TNFRSF10A: variants seen among roughly 807,000 people sequenced by gnomAD.
TNFRSF10A encodes tumor necrosis factor receptor superfamily member 10A.
Under a neutral mutation model 42.8 loss-of-function variants are expected in TNFRSF10A, and 44 were observed. That is an observed-to-expected ratio of 1.03 (90% CI 0.81 to 1.32). The LOEUF is 1.32. TNFRSF10A is among the 40% of genes most tolerant of loss of function. The pLI, the probability that TNFRSF10A is intolerant of heterozygous loss-of-function variation, is 0.00. For synonymous variants in TNFRSF10A, 259 were observed against 234.2 expected, an observed-to-expected ratio of 1.11 and a Z score of -0.97; for missense variants, 680 against 602.0, an observed-to-expected ratio of 1.13 and a Z score of -1.36.
At chr8:23,216,055 T>G (rs11987637) in intron 1 of TNFRSF10A, among the ~76,000 whole-genome samples, 52,937 of 151,930 alleles carry the variant, frequency 0.35, 10,327 homozygotes, top group Middle Eastern at 0.47. Context: ...AGACCTCAGG[T>G]GAATCGCCTG....
At chr8:23,224,215 G>A (rs1394691811) in intron 1 of TNFRSF10A, among the ~76,000 whole-genome samples, 1 of 147,772 alleles carries the variant, frequency 6.8e-6, no homozygotes, top group Admixed American at 6.8e-5. Context: ...CAGGAGAATC[G>A]CTTGAACCAG....
In TNFRSF10A at chr8:23,191,716, C is replaced by T. The variant is rs200464740; in HGVS notation, c.1385G>A (p.Gly462Asp). ...GKFIYLEDGTGSAVSLE is the reference protein window; with the variant it reads ...GKFIYLEDGTDSAVSLE ...CTTTCACTCCAAGGACACGGCAGAG[C>T]CTGTGCCATCTTCTAAGTAGATGAA... Residue 462 changes from glycine (G) to aspartate (D), a missense_variant, in exon 10 of 10, where the codon GGC becomes GAC. Gly to Asp is a moderately conservative substitution (Grantham distance 94). Coordinates refer to ENST00000221132, the MANE Select transcript of TNFRSF10A (RefSeq NM_003844.4). 2 of 1,614,024 alleles carry T rather than the reference C, an allele frequency of 1.2e-6. No individual in the cohort carries two copies. Among genetic ancestry groups the T allele is most frequent in the East Asian group, 4.5e-5 (2 of 44,886 alleles).
intron 1 of TNFRSF10A, among the ~76,000 whole-genome samples, chr8:23,223,005 C>G (rs889077168): frequency 6.6e-6 from 1 of 152,216 alleles, no homozygotes; most frequent in African/African-American, 2.4e-5. Context: ...TCTTGTACAG[C>G]CTGCAGAACC....
intron 1 of TNFRSF10A, among the ~76,000 whole-genome samples, chr8:23,212,667 G>A (rs12542712): frequency 0.23 from 34,762 of 152,190 alleles, 4,893 homozygotes; most frequent in Non-Finnish European, 0.31. Flanking sequence ...CTATGAACAC[G>A]GGTGTACAAA....
intron 1 of TNFRSF10A, 193 bp downstream of exon 1, chr8:23,224,544 GAGGGGGCTCTGCTGCCTCC>G (rs1801306031): frequency 3.3e-6 from 2 of 600,294 alleles, no homozygotes; most frequent in Non-Finnish European, 5.7e-6. Flanking sequence ...CCTCCTGCGG[GAGGGGGCTCTGCTGCCTCC>G]AGGCCCGGGT....
At position 23,200,759 on chromosome 8, in the gene TNFRSF10A, A is replaced by G. The variant is rs747020496; in HGVS notation, c.631T>C (p.Cys211Arg). ...AEMCRKCSRG[C>R]PRGMVKVKDC... ...TTGACCTTGACCATCCCTCTGGGGCACCTGGGTACACACAGGGAGGGAGGG... is the reference window on the plus strand; with the variant it reads ...TTGACCTTGACCATCCCTCTGGGGCGCCTGGGTACACACAGGGAGGGAGGG... The change falls in exon 5 of 10, where the codon TGC becomes CGC. Residue 211 changes from cysteine to arginine, a missense_variant and splice_region_variant. By Grantham distance (180) the Cys-to-Arg change is radical. Coordinates refer to ENST00000221132, the MANE Select transcript of TNFRSF10A (RefSeq NM_003844.4). 4 of 931,080 alleles carry G rather than the reference A, an allele frequency of 4.3e-6. No individual in the cohort carries two copies. The highest frequency in any genetic ancestry group is 6.5e-6 in the Non-Finnish European group (4 of 611,900). 57.7% of individuals were successfully genotyped at this position (931,080 alleles called of 1,614,324 possible). A position where few individuals can be genotyped will look rare whatever the true frequency, so the allele number is the denominator to read the frequency against.
At chr8:23,207,919 T>G (rs955718177) in intron 2 of TNFRSF10A, among the ~76,000 whole-genome samples, 12 of 139,176 alleles carry the variant, frequency 8.6e-5, no homozygotes, top group Non-Finnish European at 1.4e-4. Context: ...AAAAAAAAAC[T>G]AATACAGTAA....
intron 2 of TNFRSF10A, among the ~76,000 whole-genome samples, chr8:23,209,131 G>A (rs1032296685): frequency 2.0e-5 from 3 of 152,234 alleles, no homozygotes; most frequent in Non-Finnish European, 2.9e-5. Flanking sequence ...GAAGCCCCAA[G>A]CCTTGGCAGC....
In TNFRSF10A at chr8:23,202,758, G is replaced by C; in HGVS notation, c.407C>G (p.Ser136Cys). ...GGCTCCAGGATGTTCTGATCTATGA[G>C]ATCCTGGGAAGGGAGAGAAAAGCCA... ...SPLGELCPPG[S>C]HRSEHPGACN... is the part of the protein sequence containing the mutation. Residue 136 changes from serine (S) to cysteine (C), a missense_variant, in exon 3 of 10, where the codon TCT (serine) becomes TGT (cysteine). Ser to Cys is a moderately radical substitution (Grantham distance 112). Coordinates refer to ENST00000221132, the MANE Select transcript of TNFRSF10A (RefSeq NM_003844.4). 6.2e-7 allele frequency: 1 copy of C among 1,606,936 alleles called. No homozygotes were observed. Among genetic ancestry groups the C allele is most frequent in the Non-Finnish European group, 8.5e-7 (1 of 1,173,546 alleles).
intron 1 of TNFRSF10A, among the ~76,000 whole-genome samples, chr8:23,215,188 G>T (rs1223743825): frequency 6.6e-6 from 1 of 150,728 alleles, no homozygotes; most frequent in African/African-American, 2.5e-5. Context: ...CTGTAATTGG[G>T]AGATTTTTTA....
At chr8:23,202,108 TG>T (rs750727129) in intron 3 of TNFRSF10A, among the ~76,000 whole-genome samples, 189 bp from the exon 4 acceptor site, 6 of 151,238 alleles carry the variant, frequency 4.0e-5, no homozygotes, top group Non-Finnish European at 5.9e-5. Context: ...CACCAACACT[TG>T]GAGTCATACA....
intron 2 of TNFRSF10A, among the ~76,000 whole-genome samples, chr8:23,206,232 T>C (rs76866576): frequency 0.017 from 2,539 of 152,154 alleles, 63 homozygotes; most frequent in African/African-American, 0.057. Context: ...ACGAAGTTAA[T>C]ATTGAAGGAA....
intron 1 of TNFRSF10A, among the ~76,000 whole-genome samples, chr8:23,216,504 G>A (rs1372972691): frequency 6.6e-6 from 1 of 152,122 alleles, no homozygotes; most frequent in Non-Finnish European, 1.5e-5. Flanking sequence ...AGCACTTTGG[G>A]AGGCCGAGGT....
At chr8:23,224,553 C>T in intron 1 of TNFRSF10A, 2 of 637,256 alleles carry the variant, frequency 3.1e-6, no homozygotes, top group Non-Finnish European at 5.3e-6. Flanking sequence ...GGAGGGGGCT[C>T]TGCTGCCTCC....
In TNFRSF10A at chr8:23,199,265, C is replaced by G. The variant is rs199871371; in HGVS notation, c.1014+1G>C. 33 of 1,611,428 alleles carry G rather than the reference C, an allele frequency of 2.0e-5. No homozygotes were observed. Among genetic ancestry groups the G allele is most frequent in the Non-Finnish European group, 1.7e-5 (20 of 1,177,946 alleles). On this transcript the variant is annotated splice_donor_variant, in intron 8 of 9. Coordinates refer to ENST00000221132, the MANE Select transcript of TNFRSF10A (RefSeq NM_003844.4). LOFTEE classifies it high-confidence loss of function. ...CTTGGAGGGGCCTGTCCCCAACTCA[C>G]CAGCAGACACTGTGCCTCCCCTGGG...
In TNFRSF10A at chr8:23,201,808, C is replaced by T. The variant is rs750382921; in HGVS notation, c.629G>A (p.Gly210Glu). ...GGGAGCCCCTTGGCTGTTGTCTCAC[C>T]CTCTGCTGCACTTCCGGCACATCTC... ...SAEMCRKCSR[G>E]CPRGMVKVKD... The change falls in exon 4 of 10, where the codon GGG (glycine) becomes GAG (glutamate). Residue 210 changes from glycine to glutamate, a missense_variant and splice_region_variant. Gly to Glu is a moderately conservative substitution (Grantham distance 98). Coordinates refer to ENST00000221132, the MANE Select transcript of TNFRSF10A (RefSeq NM_003844.4). The T allele has an allele frequency of 6.2e-7, 1 of 1,613,272 alleles. No individual in the cohort carries two copies. Among genetic ancestry groups the T allele is most frequent in the Non-Finnish European group, 8.5e-7 (1 of 1,179,956 alleles).
intron 1 of TNFRSF10A, among the ~76,000 whole-genome samples, chr8:23,218,286 G>A (rs1801212738): frequency 3.3e-5 from 5 of 152,048 alleles, no homozygotes. Context: ...ATTCACCAGG[G>A]GGTTTCCTTG....
In TNFRSF10A at chr8:23,212,099, T is replaced by G. The variant is rs765658360; in HGVS notation, c.403+17A>C. 6 of 1,604,224 alleles carry G rather than the reference T, an allele frequency of 3.7e-6. No individual in the cohort carries two copies. Among genetic ancestry groups the G allele is most frequent in the South Asian group, 1.1e-5 (1 of 90,900 alleles). ...AAAGAGAGGTGTAAAGGATTAGAGA[T>G]CAGTCTTAGAATGTACCTGGTGGAC... is the stretch of plus-strand genomic sequence containing the variant. On this transcript the variant is annotated intron_variant, in intron 2 of 9. Coordinates refer to ENST00000221132, the MANE Select transcript of TNFRSF10A (RefSeq NM_003844.4).
intron 7 of TNFRSF10A, 82 bp from the exon 8 acceptor site, chr8:23,199,530 C>T (rs897281033): frequency 2.0e-5 from 30 of 1,511,006 alleles, no homozygotes; most frequent in Non-Finnish European, 2.7e-5. Context: ...GACCTGCTGC[C>T]ACCACCCCCT....
Sources: allele counts gnomAD v4.1 joint callset (sites outside exome capture counted in the v4.1 genomes callset), GRCh38; gene constraint gnomAD v4.1.1; transcripts MANE v1.5; gene names NCBI Gene and HGNC (gene_info 2026-07-23, HGNC 2026-07-21).